The following DSCAM variants were observed in gnomAD, a reference collection of about 807,000 sequenced individuals.
DSCAM encodes the protein cell adhesion molecule DSCAM.
A neutral mutation model predicts 217.7 loss-of-function variants in DSCAM; 47 were observed. That is an observed-to-expected ratio of 0.22 (90% CI 0.17 to 0.28). The LOEUF is 0.28. DSCAM is among the 10% of genes least tolerant of loss of function. The pLI, the probability that DSCAM is intolerant of heterozygous loss-of-function variation, is 1.00. For synonymous variants in DSCAM, 1,056 were observed against 1,015.3 expected, an observed-to-expected ratio of 1.04 and a Z score of -0.76; for missense variants, 2,080 against 2,618.3, an observed-to-expected ratio of 0.79 and a Z score of 4.49.
intron 16 of DSCAM, among the ~76,000 whole-genome samples, chr21:40,166,365 T>C (rs1001746883): frequency 6.6e-6 from 1 of 152,142 alleles, no homozygotes; most frequent in East Asian, 1.9e-4. Context: ...TTACAGAACT[T>C]TTGATTCGAT....
intron 10 of DSCAM, among the ~76,000 whole-genome samples, chr21:40,280,181 C>CT (rs3988427): frequency 0.51 from 61,105 of 118,844 alleles, 16,842 homozygotes; most frequent in South Asian, 0.67. Context: ...ATTTTGGTGC[C>CT]TTTTTTTTTT....
At chr21:40,731,499 A>AT (rs965859350) in intron 1 of DSCAM, among the ~76,000 whole-genome samples, 2 of 151,770 alleles carry the variant, frequency 1.3e-5, no homozygotes, top group East Asian at 1.9e-4. Context: ...CAACAGAAAT[A>AT]TTTTTTTTCA....
intron 11 of DSCAM, among the ~76,000 whole-genome samples, chr21:40,266,280 C>T (rs552613586): frequency 6.6e-6 from 1 of 152,000 alleles, no homozygotes; most frequent in African/African-American, 2.4e-5. Flanking sequence ...TAGGGAAATG[C>T]CAATTAAAAC....
At chr21:40,585,216 A>G (rs1021500649) in intron 3 of DSCAM, among the ~76,000 whole-genome samples, 3 of 144,278 alleles carry the variant, frequency 2.1e-5, no homozygotes, top group Non-Finnish European at 4.6e-5. Context: ...AGTGTCAGGT[A>G]TTTCTTTACA....
chr21:40,682,313 G>A (rs897415763), intron 3 of DSCAM, among the ~76,000 whole-genome samples: 1 of 151,936 alleles, frequency 6.6e-6, no homozygotes, highest in Non-Finnish European at 1.5e-5. Context: ...GAAAGTGGAT[G>A]GGATTGGACT....
chr21:40,170,138 C>T (rs983650016), intron 15 of DSCAM, among the ~76,000 whole-genome samples: 2 of 152,170 alleles, frequency 1.3e-5, no homozygotes, highest in East Asian at 1.9e-4. Context: ...CCAAAACACA[C>T]GGGACCCCTG....
chr21:40,672,433 A>T (rs1403155850), intron 3 of DSCAM, among the ~76,000 whole-genome samples: 1 of 152,028 alleles, frequency 6.6e-6, no homozygotes, highest in Non-Finnish European at 1.5e-5. Flanking sequence ...TTTTATTTTG[A>T]CTAACTGGAA....
intron 22 of DSCAM, 45 bp downstream of exon 22, chr21:40,087,125 A>C: frequency 7.2e-7 from 1 of 1,380,340 alleles, no homozygotes; most frequent in South Asian, 1.2e-5. Flanking sequence ...GTCAGATGTA[A>C]TCTCTTAGAG....
intron 25 of DSCAM, among the ~76,000 whole-genome samples, chr21:40,079,349 T>G (rs2146556901): frequency 6.6e-6 from 1 of 152,220 alleles, no homozygotes; most frequent in East Asian, 1.9e-4. Context: ...CAGAGTTGGA[T>G]TTGGGAAGCA....
At chr21:40,018,925 A>G (rs1283386052) in intron 32 of DSCAM, among the ~76,000 whole-genome samples, 1 of 152,202 alleles carries the variant, frequency 6.6e-6, no homozygotes, top group Non-Finnish European at 1.5e-5. Flanking sequence ...AAGTTGTGTG[A>G]TTCTCTAATT....
chr21:40,585,179 C>CTTTCT (rs371140909), intron 3 of DSCAM, among the ~76,000 whole-genome samples: 9 of 145,908 alleles, frequency 6.2e-5, no homozygotes, highest in Non-Finnish European at 9.0e-5. Context: ...AAATCAACTT[C>CTTTCT]TTTTTTTTTT....
At chr21:40,199,941 T>A (rs992408494) in intron 11 of DSCAM, among the ~76,000 whole-genome samples, 1 of 149,316 alleles carries the variant, frequency 6.7e-6, no homozygotes, top group African/African-American at 2.5e-5. Flanking sequence ...AAAGTAAAAT[T>A]AAAAAAACAA....
intron 1 of DSCAM, among the ~76,000 whole-genome samples, chr21:40,780,411 G>GTTTATATATA (rs749398798): frequency 1.1e-5 from 1 of 88,516 alleles, no homozygotes; most frequent in Non-Finnish European, 2.5e-5. Context: ...GTGTGTGTGT[G>GTTTATATATA]TGTGTGTGTG....
Position 40,342,626 on chromosome 21 carries a change from G to GTGTGTATA in DSCAM, c.1211-3212_1211-3211insTATACACA, listed in dbSNP as rs1491362590. ...TATGTGTATATGTGTGTGTGTGTGT[G>GTGTGTATA]TATATATATATATATATATATATTT... On this transcript the variant is annotated intron_variant, in intron 6 of 32. Transcript: ENST00000400454. Among the ~76,000 whole-genome samples the GTGTGTATA allele has an allele frequency of 1.3e-4, 12 of 94,718 alleles. 1 individual carries two copies. The highest frequency in any genetic ancestry group is 5.5e-4 in the African/African-American group (11 of 19,944). 62.1% of individuals were successfully genotyped at this position (94,718 alleles called of 152,430 possible).
At chr21:40,761,548 G>GA (rs1026776600) in intron 1 of DSCAM, among the ~76,000 whole-genome samples, 8 of 151,468 alleles carry the variant, frequency 5.3e-5, no homozygotes, top group Admixed American at 2.6e-4. Context: ...ACAGCTCTCA[G>GA]AAAAAAAACA....
At chr21:40,753,438 G>A (rs919816338) in intron 1 of DSCAM, among the ~76,000 whole-genome samples, 2 of 152,250 alleles carry the variant, frequency 1.3e-5, no homozygotes, top group Non-Finnish European at 2.9e-5. Context: ...GGAGAAGGGA[G>A]TGAGTAAATT....
intron 8 of DSCAM, among the ~76,000 whole-genome samples, chr21:40,317,306 C>T (rs2074208059): frequency 6.6e-6 from 1 of 152,144 alleles, no homozygotes; most frequent in Non-Finnish European, 1.5e-5. Context: ...TACAGTTCTC[C>T]ACAATGTACA....
chr21:40,624,020 A>G (rs1455403487), intron 3 of DSCAM, among the ~76,000 whole-genome samples: 3 of 152,124 alleles, frequency 2.0e-5, no homozygotes, highest in Non-Finnish European at 4.4e-5. Flanking sequence ...TCATATGGCG[A>G]TAAGTCTTGA....
At chr21:40,239,116 A>T (rs2073115375) in intron 11 of DSCAM, among the ~76,000 whole-genome samples, 1 of 152,202 alleles carries the variant, frequency 6.6e-6, no homozygotes. Flanking sequence ...CCCTATCTCT[A>T]GAAAGTCTGC....
Sources: allele counts gnomAD v4.1 joint callset (sites outside exome capture counted in the v4.1 genomes callset), GRCh38; gene constraint gnomAD v4.1.1; transcripts MANE v1.5; gene names NCBI Gene and HGNC (gene_info 2026-07-23, HGNC 2026-07-21).